The following DPH6 variants were observed in gnomAD, a reference collection of about 807,000 sequenced individuals.
The protein encoded by DPH6 is diphthine--ammonia ligase.
In DPH6, 33 loss-of-function variants were observed where a neutral mutation model predicts 38.2. That is an observed-to-expected ratio of 0.86 (90% CI 0.65 to 1.15). The LOEUF is 1.15. Ranked by LOEUF, DPH6 falls within the 50% of genes most tolerant of loss-of-function variation. The probability of loss-of-function intolerance (pLI) is 0.00; values close to 1 mark genes in which losing one functional copy is unlikely to be tolerated. For missense variants in DPH6, 325 were observed against 320.0 expected (o/e 1.02, Z -0.12); for synonymous variants, 108 against 103.0 (o/e 1.05, Z -0.30).
chr15:35,169,890 T>A, the DPH6 span, among the ~76,000 whole-genome samples: 1 of 152,208 alleles, frequency 6.6e-6, no homozygotes, highest in African/African-American at 2.4e-5. Flanking sequence ...AGCAGGTAGT[T>A]ATTCACTTTA....
chr15:35,323,973 C>G (rs982433924), intron 3 of DPH6, among the ~76,000 whole-genome samples: 1 of 152,008 alleles, frequency 6.6e-6, no homozygotes, highest in Admixed American at 6.6e-5. Flanking sequence ...ATTTTGCTGA[C>G]CTATAGAGAA....
intron 6 of DPH6, among the ~76,000 whole-genome samples, chr15:35,386,410 G>A (rs2052958585): frequency 6.6e-6 from 1 of 152,210 alleles, no homozygotes; most frequent in Non-Finnish European, 1.5e-5. Context: ...CTAGATCCCT[G>A]AGGAGTCGCC....
intron 3 of DPH6, among the ~76,000 whole-genome samples, chr15:35,350,587 C>G (rs1236716011): frequency 1.3e-5 from 2 of 152,106 alleles, no homozygotes; most frequent in Non-Finnish European, 2.9e-5. Flanking sequence ...AAATTTCCCT[C>G]TTAGAGCTGC....
the DPH6 span, among the ~76,000 whole-genome samples, chr15:35,145,105 A>G: frequency 6.6e-6 from 1 of 151,926 alleles, no homozygotes; most frequent in Non-Finnish European, 1.5e-5. Flanking sequence ...TATTGATTAA[A>G]ATAAGTATTC....
At chr15:35,467,763 C>A (rs1441326235) in intron 3 of DPH6, among the ~76,000 whole-genome samples, 1 of 152,108 alleles carries the variant, frequency 6.6e-6, no homozygotes, top group Non-Finnish European at 1.5e-5. Flanking sequence ...CTTGGAGGGA[C>A]CGGCCTGAGG....
chr15:35,173,441 GCTGCTTTGATGT>G, the DPH6 span, among the ~76,000 whole-genome samples: 13 of 151,910 alleles, frequency 8.6e-5, no homozygotes, highest in Non-Finnish European at 1.9e-4. Context: ...TCATTTGTAT[GCTGCTTTGATGT>G]CTGCAAAGCC....
chr15:35,237,936 A>C lies in DPH6; in HGVS notation n.201-17354T>G, dbSNP rs535135729. The C allele has an allele frequency of 7.9e-6, 11 of 1,397,980 alleles. No individual in the cohort carries two copies. The African/African-American group carries it at 1.4e-4, about 18-fold the overall frequency. 86.6% of individuals were successfully genotyped at this position (1,397,980 alleles called of 1,614,324 possible). ...GAGGAGGACGTGAGTGGAGAGGAGG[A>C]GGAGGATGAAAAAGGTTATAACGAT... On this transcript the variant is annotated intron_variant and non_coding_transcript_variant, in intron 3 of 3. Coordinates refer to the DPH6 transcript ENST00000560386.
intron 3 of DPH6, among the ~76,000 whole-genome samples, chr15:35,343,452 G>A (rs1036522896): frequency 6.6e-6 from 1 of 152,006 alleles, no homozygotes; most frequent in East Asian, 1.9e-4. Flanking sequence ...TAGTTAGGGT[G>A]CATAGTTACA....
chr15:35,447,435 G>GT (rs1225019384), intron 5 of DPH6, among the ~76,000 whole-genome samples: 1 of 150,348 alleles, frequency 6.7e-6, no homozygotes. Context: ...TCTCTTATAC[G>GT]TCCCCCCCCG....
chr15:35,437,561 G>T (rs1050867003), intron 5 of DPH6, among the ~76,000 whole-genome samples: 3 of 152,226 alleles, frequency 2.0e-5, no homozygotes, highest in African/African-American at 7.2e-5. Context: ...GGAATGGTAA[G>T]GATCACTGTT....
At chr15:35,298,773 G>T (rs572180942) in intron 3 of DPH6, 41 of 1,333,284 alleles carry the variant, frequency 3.1e-5, no homozygotes, top group Non-Finnish European at 4.2e-5. Flanking sequence ...AAGGAGTTGC[G>T]CTGGGCCGGG....
At chr15:35,267,533 CG>C (rs1323185657) in intron 3 of DPH6, among the ~76,000 whole-genome samples, 1 of 152,114 alleles carries the variant, frequency 6.6e-6, no homozygotes, top group Non-Finnish European at 1.5e-5. Context: ...TCTTAGCTTC[CG>C]GGGAATTCTA....
At chr15:35,207,461 A>T in the DPH6 span, among the ~76,000 whole-genome samples, 5 of 152,142 alleles carry the variant, frequency 3.3e-5, no homozygotes, top group African/African-American at 4.8e-5. Flanking sequence ...GAACCAAAAG[A>T]TTCCTGGAAA....
chr15:35,255,948 T>C (rs949951374), intron 3 of DPH6, among the ~76,000 whole-genome samples: 5 of 152,112 alleles, frequency 3.3e-5, no homozygotes, highest in African/African-American at 9.7e-5. Context: ...TTTATGCATA[T>C]ATAAAATTGA....
chr15:35,362,458 G>A (rs1388410865), intron 3 of DPH6, among the ~76,000 whole-genome samples: 1 of 152,222 alleles, frequency 6.6e-6, no homozygotes, highest in Non-Finnish European at 1.5e-5. Context: ...TCCTGTGGGA[G>A]AAACTGAGTT....
the DPH6 span, among the ~76,000 whole-genome samples, chr15:35,188,620 C>T: frequency 6.6e-6 from 1 of 152,184 alleles, no homozygotes; most frequent in Non-Finnish European, 1.5e-5. Flanking sequence ...TCTCCTTCTG[C>T]CTTCTGTCCC....
At chr15:35,260,060 A>G (rs1011789451) in intron 3 of DPH6, among the ~76,000 whole-genome samples, 1 of 152,218 alleles carries the variant, frequency 6.6e-6, no homozygotes, top group Non-Finnish European at 1.5e-5. Flanking sequence ...ATCAATGTTC[A>G]TGCCACCATG....
At chr15:35,306,730 T>A (rs1449533185) in intron 3 of DPH6, among the ~76,000 whole-genome samples, 1 of 152,184 alleles carries the variant, frequency 6.6e-6, no homozygotes, top group Non-Finnish European at 1.5e-5. Flanking sequence ...TTGACCATAT[T>A]TGGACTTTAT....
intron 3 of DPH6, among the ~76,000 whole-genome samples, chr15:35,530,335 C>T (rs572550488): frequency 1.3e-5 from 2 of 152,074 alleles, no homozygotes; most frequent in South Asian, 2.1e-4. Flanking sequence ...AACAAAAAAA[C>T]CCAACCAGTC....
Sources: gnomAD v4.1 joint callset for allele counts (sites outside exome capture counted in the v4.1 genomes callset) on GRCh38, gnomAD v4.1.1 for gene constraint, MANE v1.5 for transcripts, NCBI Gene and HGNC (gene_info 2026-07-23, HGNC 2026-07-21) for gene names.